CDH13: variants seen among roughly 807,000 people sequenced by gnomAD.
The protein encoded by CDH13 is cadherin-13.
In CDH13, 24 loss-of-function variants were observed where a neutral mutation model predicts 63.8. That is an observed-to-expected ratio of 0.38 (90% CI 0.27 to 0.53). The LOEUF (loss-of-function observed/expected upper bound fraction) is 0.53, where lower values mean the gene tolerates loss of function less well. Among genes scored for constraint, CDH13 ranks in the 20% least tolerant of loss-of-function variants. CDH13 has a pLI of 0.85. For synonymous variants in CDH13, 503 were observed against 355.3 expected (o/e 1.42, Z -4.67); for missense variants, 1,049 against 903.1 (o/e 1.16, Z -2.07).
chr16:82,731,914 A>G (rs1023194195), intron 1 of CDH13, among the ~76,000 whole-genome samples: 2 of 152,148 alleles, frequency 1.3e-5, no homozygotes, highest in Non-Finnish European at 1.5e-5. Flanking sequence ...TGAATGGGGC[A>G]TGTTCTCTTT....
intron 4 of CDH13, among the ~76,000 whole-genome samples, chr16:83,147,033 A>G (rs73604250): frequency 0.023 from 3,463 of 152,180 alleles, 136 homozygotes; most frequent in African/African-American, 0.079. Flanking sequence ...GGCTACAGTG[A>G]GATGAGATCA....
intron 1 of CDH13, among the ~76,000 whole-genome samples, chr16:82,672,662 C>G (rs1913391634): frequency 2.0e-5 from 3 of 152,072 alleles, no homozygotes; most frequent in Middle Eastern, 3.4e-3. Flanking sequence ...CCTTGTAAAT[C>G]TTAATTCCAT....
chr16:83,511,911 G>A (rs1223071484), intron 7 of CDH13, among the ~76,000 whole-genome samples: 10 of 152,078 alleles, frequency 6.6e-5, no homozygotes, highest in Admixed American at 4.6e-4. Flanking sequence ...TCATACCCTC[G>A]AAAGGGGCTC....
rs1438491243 is a variant in CDH13, at chr16:83,644,421, A to G, written c.1102-26369A>G. Among the ~76,000 whole-genome samples, 19 of 152,332 alleles carry G rather than the reference A, an allele frequency of 1.2e-4. No homozygotes were observed. In the East Asian group the frequency reaches 1.3e-3, roughly 11 times the overall value. On this transcript the variant is annotated intron_variant, in intron 8 of 13. Coordinates refer to ENST00000567109, the MANE Select transcript of CDH13 (RefSeq NM_001257.5). ...TTTCCCTTTTATAAACATTACAGCA[A>G]TAAAAATGCTTGAATGTACATCTTC... is the stretch of plus-strand genomic sequence containing the variant.
chr16:83,473,710 G>A (rs994909075), intron 6 of CDH13, among the ~76,000 whole-genome samples: 6 of 152,194 alleles, frequency 3.9e-5, no homozygotes, highest in Non-Finnish European at 7.3e-5. Context: ...CCTGCAAAAT[G>A]TAATGTGAAA....
intron 2 of CDH13, among the ~76,000 whole-genome samples, chr16:83,023,916 G>A (rs571146620): frequency 1.4e-4 from 21 of 152,294 alleles, no homozygotes; most frequent in African/African-American, 4.1e-4. Flanking sequence ...TTGAGTCAAT[G>A]TCTTCCTGTT....
chr16:82,926,067 A>T (rs922776814), intron 2 of CDH13: 1 of 152,220 alleles, frequency 6.6e-6, no homozygotes, highest in Non-Finnish European at 1.5e-5. Flanking sequence ...AGACATTTTA[A>T]TTAGTCTGTG....
At chr16:83,339,545 G>T (rs1055139708) in intron 5 of CDH13, among the ~76,000 whole-genome samples, 1 of 152,036 alleles carries the variant, frequency 6.6e-6, no homozygotes, top group Non-Finnish European at 1.5e-5. Context: ...ACCATGGTGG[G>T]CTCTTATTAA....
At chr16:83,093,913 AG>A (rs1293261056) in intron 3 of CDH13, among the ~76,000 whole-genome samples, 1 of 152,244 alleles carries the variant, frequency 6.6e-6, no homozygotes, top group African/African-American at 2.4e-5. Context: ...AGAGGCAGAA[AG>A]GAAATACCTG....
At chr16:83,168,261 C>A (rs933583340) in intron 4 of CDH13, among the ~76,000 whole-genome samples, 4 of 151,718 alleles carry the variant, frequency 2.6e-5, no homozygotes, top group East Asian at 3.9e-4. Flanking sequence ...AACAAAAAAA[C>A]CCCAAAGAGC....
chr16:83,479,300 G>T (rs186554965), intron 6 of CDH13, among the ~76,000 whole-genome samples: 8 of 152,092 alleles, frequency 5.3e-5, no homozygotes, highest in African/African-American at 1.9e-4. Context: ...TATTTCCCTC[G>T]TCATGATTGC....
intron 3 of CDH13, among the ~76,000 whole-genome samples, chr16:83,068,547 C>G (rs2032197721): frequency 6.6e-6 from 1 of 152,176 alleles, no homozygotes; most frequent in Non-Finnish European, 1.5e-5. Context: ...TAACCAGCCT[C>G]TTTAAACACT....
chr16:82,814,225 CG>C (rs2037592451), intron 1 of CDH13, among the ~76,000 whole-genome samples: 1 of 152,144 alleles, frequency 6.6e-6, no homozygotes, highest in South Asian at 2.1e-4. Flanking sequence ...TCCTGAGTGA[CG>C]GGAACATCTG....
At chr16:83,604,448 A>G (rs896208387) in intron 8 of CDH13, among the ~76,000 whole-genome samples, 1 of 152,210 alleles carries the variant, frequency 6.6e-6, no homozygotes, top group African/African-American at 2.4e-5. Context: ...TGAAAAAAAT[A>G]TACTTCAGGG....
At chr16:83,760,198 A>G (rs1032155700) in intron 11 of CDH13, among the ~76,000 whole-genome samples, 115 of 152,350 alleles carry the variant, frequency 7.5e-4, no homozygotes, top group African/African-American at 2.6e-3. Context: ...AAATGAAAAG[A>G]TGAAAAATAC....
At chr16:83,015,675 ATG>A (rs1198071503) in intron 2 of CDH13, among the ~76,000 whole-genome samples, 16 of 51,206 alleles carry the variant, frequency 3.1e-4, no homozygotes, top group African/African-American at 1.0e-3. Flanking sequence ...GTGTGTGTGT[ATG>A]TATATATATA....
chr16:82,674,267 G>C (rs1006701103), intron 1 of CDH13, among the ~76,000 whole-genome samples: 2 of 152,162 alleles, frequency 1.3e-5, no homozygotes, highest in Non-Finnish European at 2.9e-5. Context: ...GATGACTTCA[G>C]TTTCACCCCT....
intron 9 of CDH13, among the ~76,000 whole-genome samples, chr16:83,671,616 GA>G (rs1914508468): frequency 6.6e-6 from 1 of 152,206 alleles, no homozygotes; most frequent in Non-Finnish European, 1.5e-5. Flanking sequence ...ATGCCAAAAT[GA>G]GATGTGTGAA....
At chr16:83,244,035 C>G (rs779195896) in intron 5 of CDH13, among the ~76,000 whole-genome samples, 4 of 152,036 alleles carry the variant, frequency 2.6e-5, no homozygotes, top group Non-Finnish European at 5.9e-5. Context: ...ATTCTAACGT[C>G]CATCCTCACT....
Sources: allele counts gnomAD v4.1 joint callset (sites outside exome capture counted in the v4.1 genomes callset), GRCh38; gene constraint gnomAD v4.1.1; transcripts MANE v1.5; gene names NCBI Gene and HGNC (gene_info 2026-07-23, HGNC 2026-07-21).